Variants in SMIM18 observed in about 807,000 individuals in gnomAD.
SMIM18 encodes small integral membrane protein 18.
A neutral mutation model predicts 5.9 loss-of-function variants in SMIM18; 4 were observed. The observed-to-expected ratio is 0.68, with a 90% CI of 0.33 to 1.56. SMIM18 has a LOEUF of 1.56. Ranked by LOEUF, SMIM18 falls within the 40% of genes most tolerant of loss-of-function variation. SMIM18 has a pLI of 0.06. For missense variants in SMIM18, 89 were observed against 109.7 expected, an observed-to-expected ratio of 0.81 and a Z score of 0.84; for synonymous variants, 37 against 37.4, an observed-to-expected ratio of 0.99 and a Z score of 0.04.
At chr8:30,643,645 G>C (rs1801938851) in intron 1 of SMIM18, 1 of 123,350 alleles carries the variant, frequency 8.1e-6, no homozygotes, top group Non-Finnish European at 1.6e-5. Flanking sequence ...GGGCAACAGA[G>C]CAAGACTCTG....
At chr8:30,640,474 A>G (rs765779913) in intron 1 of SMIM18, among the ~76,000 whole-genome samples, 3 of 152,130 alleles carry the variant, frequency 2.0e-5, no homozygotes, top group Non-Finnish European at 4.4e-5. Flanking sequence ...AAACAAAACT[A>G]AAACACATAT....
intron 2 of SMIM18, among the ~76,000 whole-genome samples, chr8:30,645,067 T>C (rs1447329340): frequency 1.3e-5 from 2 of 152,134 alleles, no homozygotes; most frequent in Non-Finnish European, 2.9e-5. Context: ...TAAATATACA[T>C]ATTCATCTAG....
chr8:30,640,854 G>A (rs186244048), intron 1 of SMIM18, among the ~76,000 whole-genome samples: 34 of 152,168 alleles, frequency 2.2e-4, no homozygotes, highest in Admixed American at 1.6e-3. Context: ...ACACACACCC[G>A]CCACCACAAC....
At position 30,644,523 on chromosome 8, in the gene SMIM18, G is replaced by A. The variant is rs1373129226; in HGVS notation, c.-79G>A. 6.6e-6 allele frequency: 1 copy of A among 151,962 alleles called. No homozygotes were observed. Among genetic ancestry groups the A allele is most frequent in the Non-Finnish European group, 1.5e-5 (1 of 68,010 alleles). The allele number at this position is 151,962 out of a possible 1,614,324, so 9.4% of individuals were successfully genotyped here. A position where few individuals can be genotyped will look rare whatever the true frequency, so the allele number is the denominator to read the frequency against. On this transcript the variant is annotated 5_prime_UTR_variant, in exon 2 of 3. Transcript: ENST00000517349. ...TTTCTGATTCAGATCACCTGTCATC[G>A]AAGTTTAAAGAAGGGGAAACAGGAG...
chr8:30,641,249 T>G (rs746493008), intron 1 of SMIM18, among the ~76,000 whole-genome samples: 44 of 152,212 alleles, frequency 2.9e-4, no homozygotes, highest in Non-Finnish European at 8.8e-5. Context: ...ATTTACAACA[T>G]AAACCTGACC....
chr8:30,645,766 C>A lies in SMIM18; in HGVS notation c.*169C>A, dbSNP rs186341011. 1.8e-3 allele frequency: 1,095 copies of A among 617,062 alleles called. 1 individual carries two copies. The highest frequency in any genetic ancestry group is 3.5e-3 in the Middle Eastern group (8 of 2,310). 38.2% of individuals were successfully genotyped at this position (617,062 alleles called of 1,614,324 possible). ...AAACATGCACTGTTTGTGTGTATAG[C>A]CATTTCATTAAATATACAGTAAAAC... On this transcript the variant is annotated 3_prime_UTR_variant, in exon 3 of 3. Coordinates refer to ENST00000517349, the MANE Select transcript of SMIM18 (RefSeq NM_001206847.2).
chr8:30,642,778 CTA>C (rs1190826006), intron 1 of SMIM18, among the ~76,000 whole-genome samples: 1 of 152,164 alleles, frequency 6.6e-6, no homozygotes, highest in East Asian at 1.9e-4. Context: ...TGTGAATAAA[CTA>C]TATTAATTTA....
chr8:30,643,811 A>C (rs1171646052), intron 1 of SMIM18: 1 of 152,098 alleles, frequency 6.6e-6, no homozygotes, highest in Non-Finnish European at 1.5e-5. Context: ...GCTAGTAAGA[A>C]AGAAAAAAAA....
At chr8:30,645,196 A>G (rs1003043931) in intron 2 of SMIM18, 85 bp from the exon 3 acceptor site, 2 of 1,191,696 alleles carry the variant, frequency 1.7e-6, no homozygotes, top group African/African-American at 3.1e-5. Flanking sequence ...TGCCTATACA[A>G]ATTTACTAAG....
At chr8:30,640,255 A>G (rs969282530) in intron 1 of SMIM18, among the ~76,000 whole-genome samples, 1 of 152,228 alleles carries the variant, frequency 6.6e-6, no homozygotes, top group African/African-American at 2.4e-5. Flanking sequence ...AAAGCACCTG[A>G]GAATTCAATT....
intron 1 of SMIM18, chr8:30,643,763 A>G (rs1197621281): frequency 6.6e-6 from 1 of 151,990 alleles, no homozygotes; most frequent in Admixed American, 6.6e-5. Context: ...TAATAATTCT[A>G]AGTCTTAACC....
chr8:30,640,828 C>T (rs1242617945), intron 1 of SMIM18, among the ~76,000 whole-genome samples: 2 of 152,130 alleles, frequency 1.3e-5, no homozygotes, highest in Non-Finnish European at 2.9e-5. Flanking sequence ...CCTTGGCTTC[C>T]TGAGAAACTG....
rs1002116372 is a variant in SMIM18 at position 30,645,908 on chromosome 8, A to T, written c.*311A>T. 3 of 233,374 alleles carry T rather than the reference A, an allele frequency of 1.3e-5. No homozygotes were observed. Among genetic ancestry groups the T allele is most frequent in the Non-Finnish European group, 2.5e-5 (3 of 120,028 alleles). 14.5% of individuals were successfully genotyped at this position (233,374 alleles called of 1,614,324 possible). A position where few individuals can be genotyped will look rare whatever the true frequency, so the allele number is the denominator to read the frequency against. ...TAAGCTGGAAAAGACAAGCAAGGCT[A>T]ATGATGCTAAAATGATTTTATAACT... On this transcript the variant is annotated 3_prime_UTR_variant, in exon 3 of 3. Transcript: ENST00000517349.
chr8:30,641,201 G>A (rs559632355), intron 1 of SMIM18, among the ~76,000 whole-genome samples: 1 of 152,132 alleles, frequency 6.6e-6, no homozygotes, highest in Admixed American at 6.5e-5. Flanking sequence ...GTTTTGAGCC[G>A]CTCGGTTATC....
At chr8:30,641,342 T>C (rs2978263) in intron 1 of SMIM18, among the ~76,000 whole-genome samples, 121,619 of 152,096 alleles carry the variant, frequency 0.8, 49,149 homozygotes, top group African/African-American at 0.89. Context: ...TACCTATAGT[T>C]ATTATTAAAA....
rs1375453331 is a variant in SMIM18 at position 30,645,664 on chromosome 8, C to A, written c.*67C>A. 195 of 1,402,390 alleles carry A rather than the reference C, an allele frequency of 1.4e-4. No homozygotes were observed. The South Asian group carries it at 2.6e-3, about 19-fold the overall frequency. The allele number at this position is 1,402,390 out of a possible 1,614,324, so 86.9% of individuals were successfully genotyped here. On this transcript the variant is annotated 3_prime_UTR_variant, in exon 3 of 3. Coordinates refer to ENST00000517349, the MANE Select transcript of SMIM18 (RefSeq NM_001206847.2). ...CCTCTTCTGAGAAAAAAAATATATT[C>A]TGAGGCCAACTGTTGCTACAAAACA...
intron 2 of SMIM18, 64 bp from the exon 3 acceptor site, chr8:30,645,217 A>G: frequency 7.9e-7 from 1 of 1,270,576 alleles, no homozygotes; most frequent in South Asian, 1.6e-5. Context: ...AAATCTTAGT[A>G]CTGAGATTTG....
chr8:30,641,205 G>C (rs954561880), intron 1 of SMIM18, among the ~76,000 whole-genome samples: 1 of 151,982 alleles, frequency 6.6e-6, no homozygotes, highest in Non-Finnish European at 1.5e-5. Flanking sequence ...TGAGCCGCTC[G>C]GTTATCAATA....
At chr8:30,639,332 T>C (rs1053078353) in intron 1 of SMIM18, among the ~76,000 whole-genome samples, 3 of 152,168 alleles carry the variant, frequency 2.0e-5, no homozygotes, top group African/African-American at 4.8e-5. Flanking sequence ...GAAATTTCTC[T>C]CTCGTAATAT....
Sources: allele counts gnomAD v4.1 joint callset (sites outside exome capture counted in the v4.1 genomes callset), GRCh38; gene constraint gnomAD v4.1.1; transcripts MANE v1.5; gene names NCBI Gene and HGNC (gene_info 2026-07-23, HGNC 2026-07-21).